The following ROBO2 variants were observed in gnomAD, a reference collection of about 807,000 sequenced individuals.
ROBO2 encodes the protein roundabout homolog 2.
ROBO2 carries 53 observed loss-of-function variants against 160.8 expected under a neutral mutation model. The observed-to-expected ratio is 0.33, with a 90% CI of 0.26 to 0.41. The LOEUF (loss-of-function observed/expected upper bound fraction) is 0.41. Among genes scored for constraint, ROBO2 ranks in the 10% least tolerant of loss-of-function variants. ROBO2 has a pLI of 1.00. For missense variants in ROBO2, 1,577 were observed against 1,722.4 expected, an observed-to-expected ratio of 0.92 and a Z score of 1.49; for synonymous variants, 664 against 611.7, an observed-to-expected ratio of 1.09 and a Z score of -1.26.
chr3:77,359,736 T>TGGCTTGATAACAGCTCAGTGCAGC (rs1295736256), intron 2 of ROBO2, among the ~76,000 whole-genome samples: 4 of 152,138 alleles, frequency 2.6e-5, no homozygotes, highest in African/African-American at 9.7e-5. Flanking sequence ...TGGAGTGCAG[T>TGGCTTGATAACAGCTCAGTGCAGC]GGCTTGATAA....
intron 2 of ROBO2, among the ~76,000 whole-genome samples, chr3:77,473,440 C>CTTTTTTTTTTTTTTTTTTTTTTTT (rs71104688): frequency 1.3e-5 from 1 of 77,922 alleles, no homozygotes; most frequent in African/African-American, 4.7e-5. Context: ...ACAAACTGCT[C>CTTTTTTTTTTTTTTTTTTTTTTTT]TTTTTTTTTT....
intron 2 of ROBO2, among the ~76,000 whole-genome samples, chr3:76,165,668 G>A (rs1415588308): frequency 6.6e-6 from 1 of 152,034 alleles, no homozygotes; most frequent in African/African-American, 2.4e-5. Flanking sequence ...ATCATTTTTA[G>A]CTTTTGATTT....
chr3:76,769,589 T>A (rs1003505500), intron 2 of ROBO2, among the ~76,000 whole-genome samples: 1 of 151,478 alleles, frequency 6.6e-6, no homozygotes, highest in Non-Finnish European at 1.5e-5. Flanking sequence ...AATAGTCATT[T>A]CATTTTAGTC....
chr3:77,126,774 T>C (rs1268809322), intron 2 of ROBO2, among the ~76,000 whole-genome samples: 1 of 147,958 alleles, frequency 6.8e-6, no homozygotes, highest in African/African-American at 2.5e-5. Context: ...TATTTGATTT[T>C]GAAACTTCTT....
At chr3:76,620,843 C>T (rs1316866124) in intron 2 of ROBO2, among the ~76,000 whole-genome samples, 2 of 152,192 alleles carry the variant, frequency 1.3e-5, no homozygotes, top group African/African-American at 2.4e-5. Flanking sequence ...AAATAAAATA[C>T]TCTCTAACTA....
chr3:77,528,881 A>T (rs1234328288), intron 6 of ROBO2, among the ~76,000 whole-genome samples: 2 of 151,698 alleles, frequency 1.3e-5, no homozygotes, highest in Non-Finnish European at 3.0e-5. Flanking sequence ...TATTGTAATA[A>T]TTTTTAAGCC....
At chr3:76,358,185 A>G (rs937852783) in intron 2 of ROBO2, among the ~76,000 whole-genome samples, 4 of 151,986 alleles carry the variant, frequency 2.6e-5, no homozygotes, top group Admixed American at 6.6e-5. Flanking sequence ...GATGTCTGCC[A>G]TGACTGTGTA....
At chr3:77,603,514 A>G (rs557426173) in intron 20 of ROBO2, among the ~76,000 whole-genome samples, 49 of 152,280 alleles carry the variant, frequency 3.2e-4, no homozygotes, top group Non-Finnish European at 6.6e-4. Context: ...TATCTATTGA[A>G]TGATATTCTA....
intron 2 of ROBO2, among the ~76,000 whole-genome samples, chr3:76,626,087 G>A (rs1327139244): frequency 6.6e-6 from 1 of 152,174 alleles, no homozygotes; most frequent in African/African-American, 2.4e-5. Context: ...AGATCTAATA[G>A]ATCCAGAAGC....
chr3:76,282,520 A>T (rs561379394), intron 2 of ROBO2, among the ~76,000 whole-genome samples: 4 of 152,078 alleles, frequency 2.6e-5, no homozygotes, highest in Admixed American at 1.3e-4. Context: ...TAATGTTTAT[A>T]AATGTAATTG....
At chr3:76,773,107 T>TAAAGAGAA (rs2062016433) in intron 2 of ROBO2, among the ~76,000 whole-genome samples, 1 of 151,100 alleles carries the variant, frequency 6.6e-6, no homozygotes, top group South Asian at 2.1e-4. Context: ...TGTTTCCATG[T>TAAAGAGAA]AAAGAGAAGT....
At chr3:76,091,392 C>A (rs1376042953) in intron 2 of ROBO2, among the ~76,000 whole-genome samples, 1 of 152,102 alleles carries the variant, frequency 6.6e-6, no homozygotes, top group Non-Finnish European at 1.5e-5. Flanking sequence ...GAAATCACTG[C>A]TAGAATGGCC....
At chr3:77,589,030 G>A (rs938687104) in intron 17 of ROBO2, 97 bp downstream of exon 18, 1 of 1,417,256 alleles carries the variant, frequency 7.1e-7, no homozygotes, top group African/African-American at 1.4e-5. Flanking sequence ...AGTGATTTGG[G>A]CTTATTTTAG....
At chr3:77,009,621 A>G (rs928507629) in intron 2 of ROBO2, among the ~76,000 whole-genome samples, 6 of 152,186 alleles carry the variant, frequency 3.9e-5, no homozygotes, top group Non-Finnish European at 5.9e-5. Context: ...ATAAGAAAGA[A>G]TTTATTCCAA....
upstream of ROBO2, among the ~76,000 whole-genome samples, chr3:77,039,202 T>C (rs1467344809): frequency 1.3e-5 from 2 of 152,118 alleles, no homozygotes; most frequent in African/African-American, 4.8e-5. Flanking sequence ...TTTCTCCCCC[T>C]TGTGCTTTTG....
chr3:77,033,041 T>C (rs763087727), intron 2 of ROBO2, among the ~76,000 whole-genome samples: 32 of 152,230 alleles, frequency 2.1e-4, no homozygotes, highest in Non-Finnish European at 4.4e-4. Flanking sequence ...AATTAAAATG[T>C]ACACTGGACC....
At chr3:76,907,784 C>A (rs2075699502) in intron 2 of ROBO2, among the ~76,000 whole-genome samples, 1 of 151,396 alleles carries the variant, frequency 6.6e-6, no homozygotes, top group Non-Finnish European at 1.5e-5. Context: ...AAATGACCCT[C>A]ATGGATATTC....
chr3:77,595,193 C>T lies in ROBO2; in HGVS notation c.2726+9C>T, dbSNP rs573265362. The stretch of plus-strand genomic sequence containing the variant: ...CTAATGAGCAATGGAAGGTATGCTA[C>T]GGAGATTGTTTCATTATTATTTTTA... On this transcript the variant is annotated intron_variant, in intron 18 of 25. Transcript: ENST00000461745. 58 of 1,600,774 alleles carry T rather than the reference C, an allele frequency of 3.6e-5. 1 individual carries two copies. In the East Asian group the frequency reaches 7.6e-4, roughly 21 times the overall value.
At chr3:77,123,137 A>T (rs1445950362) in intron 2 of ROBO2, among the ~76,000 whole-genome samples, 1 of 152,232 alleles carries the variant, frequency 6.6e-6, no homozygotes, top group African/African-American at 2.4e-5. Flanking sequence ...CAACAATGTT[A>T]ATCAGTTGAT....
Sources: gnomAD v4.1 joint callset for allele counts (sites outside exome capture counted in the v4.1 genomes callset) on GRCh38, gnomAD v4.1.1 for gene constraint, MANE v1.5 for transcripts, NCBI Gene and HGNC (gene_info 2026-07-23, HGNC 2026-07-21) for gene names.